Variants in CYFIP2 observed in about 807,000 individuals in gnomAD.
CYFIP2 encodes the protein cytoplasmic FMR1-interacting protein 2.
In CYFIP2, 29 loss-of-function variants were observed where a neutral mutation model predicts 158.7. The observed-to-expected ratio is 0.18, with a 90% CI of 0.14 to 0.25. The LOEUF is 0.25. CYFIP2 is among the 10% of genes least tolerant of loss of function. The pLI is 1.00. For missense variants in CYFIP2, 852 were observed against 1,639.5 expected, an observed-to-expected ratio of 0.52 and a Z score of 8.29; for synonymous variants, 585 against 617.6, an observed-to-expected ratio of 0.95 and a Z score of 0.78.
rs779647441 is a variant in CYFIP2 at position 157,372,033 on chromosome 5, A to G, written c.3039+10435A>G. On this transcript the variant is annotated intron_variant, in intron 26 of 30. Coordinates refer to ENST00000620254, the MANE Select transcript of CYFIP2 (RefSeq NM_001037333.3). ...AGAGAGAAACTTCTGCAGAAGCACA[A>G]GCTCCTGGGAGTTCTCCAAGGAGGG... Among the ~76,000 whole-genome samples the G allele has an allele frequency of 5.7e-4, 87 of 152,154 alleles. 3 individuals are homozygous for G. The highest frequency in any genetic ancestry group is 8.8e-5 in the Non-Finnish European group (6 of 68,010).
Position 157,309,978 on chromosome 5 carries a change from A to G in CYFIP2, c.992+144A>G, listed in dbSNP as rs940852572. On this transcript the variant is annotated intron_variant, in intron 10 of 30. Transcript: ENST00000620254. ...AGAACACAGGTGCCGGCCGGAGGGG[A>G]GCCGCGAGGGTGCTCTGAGCCCTTT... 74 of 774,574 alleles carry G rather than the reference A, an allele frequency of 9.6e-5. 1 individual carries two copies. The highest frequency in any genetic ancestry group is 6.3e-6 in the Non-Finnish European group (3 of 478,814). The allele number at this position is 774,574 out of a possible 1,614,324, so 48.0% of individuals were successfully genotyped here.
At chr5:157,317,263 C>T (rs1000771284) in intron 13 of CYFIP2, among the ~76,000 whole-genome samples, 2 of 151,894 alleles carry the variant, frequency 1.3e-5, no homozygotes, top group Non-Finnish European at 1.5e-5. Flanking sequence ...ATTTTTATCT[C>T]ATTAATAAAA....
At chr5:157,305,368 T>C (rs1406895290) in intron 8 of CYFIP2, among the ~76,000 whole-genome samples, 24 of 152,258 alleles carry the variant, frequency 1.6e-4, no homozygotes, top group Admixed American at 1.6e-3. Context: ...TGCTACATTT[T>C]GCCAAAGTGA....
intron 23 of CYFIP2, among the ~76,000 whole-genome samples, chr5:157,358,286 A>G (rs983386268): frequency 6.6e-6 from 1 of 152,210 alleles, no homozygotes; most frequent in African/African-American, 2.4e-5. Context: ...GGTTCAGCGG[A>G]CAATGGTGGT....
At position 157,310,920 on chromosome 5, in the gene CYFIP2, AAGAGGG is replaced by A; in HGVS notation, c.993-743_993-738del. The A allele has an allele frequency of 8.9e-6, 4 of 448,336 alleles. No homozygotes were observed. The East Asian group carries it at 2.1e-4, about 23-fold the overall frequency. 27.8% of individuals were successfully genotyped at this position (448,336 alleles called of 1,614,324 possible). On this transcript the variant is annotated intron_variant, in intron 10 of 30. Coordinates refer to ENST00000620254, the MANE Select transcript of CYFIP2 (RefSeq NM_001037333.3). ...CTGGGTCACCAGCACCTGAGGGTAG[AAGAGGG>A]TGAAGGGAGTGGTCCTTTTTCTCTT...
intron 1 of CYFIP2, among the ~76,000 whole-genome samples, chr5:157,267,226 A>G (rs1294824706): frequency 6.6e-6 from 1 of 152,242 alleles, no homozygotes; most frequent in Non-Finnish European, 1.5e-5. Flanking sequence ...AGAATGGGAC[A>G]AGGATCTTTT....
At chr5:157,353,788 T>A (rs1198892619) in intron 23 of CYFIP2, among the ~76,000 whole-genome samples, 2 of 152,192 alleles carry the variant, frequency 1.3e-5, no homozygotes, top group Non-Finnish European at 2.9e-5. Context: ...GTAACAAAAA[T>A]AGGAAATTAG....
chr5:157,289,286 C>A (rs1380954266), intron 3 of CYFIP2, among the ~76,000 whole-genome samples: 1 of 152,156 alleles, frequency 6.6e-6, no homozygotes, highest in Non-Finnish European at 1.5e-5. Context: ...AGGCACAGGG[C>A]AAGGATTTTC....
In CYFIP2 at chr5:157,390,569, C is replaced by A; in HGVS notation, c.3495C>A (p.Val1165=). 6.4e-7 allele frequency: 1 copy of A among 1,554,180 alleles called. No individual in the cohort carries two copies. The highest frequency in any genetic ancestry group is 8.7e-7 in the Non-Finnish European group (1 of 1,148,412). ...GLNWAGCSII[V]LLGQQRRFDL... ...ACTGGGCTGGTTGCTCCATCATTGT[C>A]CTGCTGGGCCAGCAGCGTCGCTTTG... Residue 1165 remains valine (V), a synonymous_variant, in exon 30 of 31, where the codon GTC becomes GTA. Coordinates refer to ENST00000620254, the MANE Select transcript of CYFIP2 (RefSeq NM_001037333.3).
intron 13 of CYFIP2, among the ~76,000 whole-genome samples, chr5:157,318,651 T>C (rs1465221292): frequency 2.0e-5 from 3 of 152,214 alleles, no homozygotes; most frequent in Non-Finnish European, 4.4e-5. Context: ...TTCATTTATT[T>C]GTTCCTTTTC....
intron 1 of CYFIP2, among the ~76,000 whole-genome samples, chr5:157,281,537 G>C (rs1391238469): frequency 6.6e-6 from 1 of 152,056 alleles, no homozygotes; most frequent in Non-Finnish European, 1.5e-5. Flanking sequence ...TAAAAACCAA[G>C]CTTTTATTAG....
chr5:157,369,883 T>TGTTTTTTTTG (rs748472608), intron 26 of CYFIP2, among the ~76,000 whole-genome samples: 4 of 137,476 alleles, frequency 2.9e-5, no homozygotes, highest in Non-Finnish European at 4.8e-5. Flanking sequence ...GACCTAGTTT[T>TGTTTTTTTTG]TTTTTTTTTT....
chr5:157,379,510 C>T (rs1264292924), intron 26 of CYFIP2, among the ~76,000 whole-genome samples: 3 of 151,472 alleles, frequency 2.0e-5, no homozygotes, highest in African/African-American at 7.3e-5. Flanking sequence ...CCAACTCTGT[C>T]TCTACAAAAA....
rs1759557600 is a variant in CYFIP2 at position 157,309,842 on chromosome 5, C to T, written c.992+8C>T. 6.3e-7 allele frequency: 1 copy of T among 1,581,952 alleles called. No homozygotes were observed. The highest frequency in any genetic ancestry group is 8.6e-7 in the Non-Finnish European group (1 of 1,164,146). ...TGAAGAGAACAAGTCCAAGTGAGTG[C>T]CTGCCGTAATGTCTCTCGGCTCCCG... On this transcript the variant is annotated splice_region_variant and intron_variant, in intron 10 of 30. Transcript: ENST00000620254.
chr5:157,382,138 T>C (rs1766190391), intron 26 of CYFIP2, among the ~76,000 whole-genome samples: 1 of 152,220 alleles, frequency 6.6e-6, no homozygotes, highest in African/African-American at 2.4e-5. Context: ...CAATCAGACA[T>C]AGGCCTTTAC....
At chr5:157,322,060 G>T (rs748760748) in intron 15 of CYFIP2, among the ~76,000 whole-genome samples, 2 of 152,048 alleles carry the variant, frequency 1.3e-5, no homozygotes, top group Non-Finnish European at 2.9e-5. Flanking sequence ...TAGATAATGT[G>T]AGAGGGGTGG....
intron 1 of CYFIP2, among the ~76,000 whole-genome samples, chr5:157,282,304 G>C (rs112839393): frequency 6.6e-6 from 1 of 152,086 alleles, no homozygotes. Flanking sequence ...TGGGCAGTGT[G>C]GGGGAGGGAG....
At chr5:157,322,862 C>T in intron 15 of CYFIP2, 1 of 1,354,546 alleles carries the variant, frequency 7.4e-7, no homozygotes, top group South Asian at 1.3e-5. Context: ...TTCTCTCTCT[C>T]TCTCTCTTTC....
intron 17 of CYFIP2, 163 bp downstream of exon 17, chr5:157,325,801 G>T: frequency 1.3e-6 from 1 of 773,722 alleles, no homozygotes; most frequent in Non-Finnish European, 1.9e-6. Context: ...ATTTAATTCA[G>T]CCTTGCAGAT....
Sources: allele counts gnomAD v4.1 joint callset (sites outside exome capture counted in the v4.1 genomes callset), GRCh38; gene constraint gnomAD v4.1.1; transcripts MANE v1.5; gene names NCBI Gene and HGNC (gene_info 2026-07-23, HGNC 2026-07-21).